Variants in CAMTA1 observed in about 807,000 individuals in gnomAD.
CAMTA1 encodes the protein calmodulin binding transcription activator 1.
CAMTA1 carries 27 observed loss-of-function variants against 170.9 expected under a neutral mutation model. The observed-to-expected ratio is 0.16, with a 90% confidence interval of 0.12 to 0.22. The LOEUF (loss-of-function observed/expected upper bound fraction) is 0.22, where lower values mean the gene tolerates loss of function less well. CAMTA1 is among the 10% of genes least tolerant of loss of function. The pLI is 1.00. For synonymous variants in CAMTA1, 833 were observed against 891.5 expected (o/e 0.93, Z 1.17); for missense variants, 1,619 against 2,217.2 (o/e 0.73, Z 5.42).
At chr1:6,808,822 AAG>A (rs1468645727) in intron 1 of CAMTA1, among the ~76,000 whole-genome samples, 9 of 152,082 alleles carry the variant, frequency 5.9e-5, no homozygotes, top group African/African-American at 2.2e-4. Context: ...GGGGTGAGGA[AAG>A]AGCTCGCATG....
At chr1:7,611,692 C>T (rs1173837638) in intron 6 of CAMTA1, among the ~76,000 whole-genome samples, 1 of 152,250 alleles carries the variant, frequency 6.6e-6, no homozygotes, top group Non-Finnish European at 1.5e-5. Context: ...CCTTACTGTA[C>T]CTCCCAGGCT....
intron 6 of CAMTA1, among the ~76,000 whole-genome samples, chr1:7,519,604 C>T (rs1025767051): frequency 1.3e-5 from 2 of 151,834 alleles, no homozygotes; most frequent in African/African-American, 2.4e-5. Flanking sequence ...TCTCATTGCC[C>T]GGGCCAATGA....
At chr1:7,324,381 A>C (rs747104992) in intron 5 of CAMTA1, among the ~76,000 whole-genome samples, 1 of 152,032 alleles carries the variant, frequency 6.6e-6, no homozygotes, top group Non-Finnish European at 1.5e-5. Context: ...TAAATAGCAT[A>C]TATAAAGATT....
chr1:6,791,307 C>G (rs1227689086), intron 1 of CAMTA1, among the ~76,000 whole-genome samples: 1 of 152,052 alleles, frequency 6.6e-6, no homozygotes, highest in East Asian at 1.9e-4. Flanking sequence ...GCCCACCATC[C>G]CTTTGTCCTG....
intron 11 of CAMTA1, among the ~76,000 whole-genome samples, chr1:7,729,319 C>G (rs2096715258): frequency 6.6e-6 from 1 of 152,056 alleles, no homozygotes; most frequent in Admixed American, 6.6e-5. Flanking sequence ...TGGGTTTCAC[C>G]ATGTTGGCCA....
intron 3 of CAMTA1, among the ~76,000 whole-genome samples, chr1:7,016,957 TC>T (rs1700642396): frequency 6.6e-6 from 1 of 152,324 alleles, no homozygotes; most frequent in South Asian, 2.1e-4. Flanking sequence ...TTCTCCAGAC[TC>T]CCTCCCTGCC....
intron 1 of CAMTA1, among the ~76,000 whole-genome samples, chr1:6,810,544 T>C (rs546924455): frequency 1.7e-4 from 26 of 152,252 alleles, no homozygotes; most frequent in African/African-American, 3.6e-4. Context: ...CGGTGGCTCA[T>C]GCCTGTAATC....
At chr1:6,980,385 CTGCACTGCAT>C (rs1694234690) in intron 3 of CAMTA1, among the ~76,000 whole-genome samples, 1 of 152,160 alleles carries the variant, frequency 6.6e-6, no homozygotes. Context: ...TTTAGGGACT[CTGCACTGCAT>C]TGAAGTAGCA....
intron 6 of CAMTA1, among the ~76,000 whole-genome samples, chr1:7,629,025 G>A (rs28652985): frequency 0.014 from 2,157 of 152,312 alleles, 55 homozygotes; most frequent in African/African-American, 0.05. Flanking sequence ...GGAGTTCCCT[G>A]TGCCCCTGCG....
intron 1 of CAMTA1, among the ~76,000 whole-genome samples, chr1:6,810,647 T>TA (rs1645051676): frequency 6.6e-6 from 1 of 151,892 alleles, no homozygotes; most frequent in South Asian, 2.1e-4. Context: ...CTACTAAAAA[T>TA]ACAAAAATTT....
At chr1:6,869,472 C>T (rs1368509214) in intron 3 of CAMTA1, among the ~76,000 whole-genome samples, 1 of 152,190 alleles carries the variant, frequency 6.6e-6, no homozygotes, top group Non-Finnish European at 1.5e-5. Context: ...AGAATCAGCT[C>T]TTTGTTGTCA....
chr1:7,121,684 G>A lies in CAMTA1; in HGVS notation c.302+30313G>A, dbSNP rs980826818. The stretch of plus-strand genomic sequence containing the variant: ...AGGCAGGGTTCTGCTCTTCCACTGT[G>A]CCTGCTGAGGTAGGGTACACAGCCC... On this transcript the variant is annotated intron_variant, in intron 4 of 22. Coordinates refer to ENST00000303635, the MANE Select transcript of CAMTA1 (RefSeq NM_015215.4). 1.3e-4 allele frequency among the ~76,000 whole-genome samples: 20 copies of A among 152,350 alleles called. 1 individual carries two copies. Among genetic ancestry groups the A allele is most frequent in the African/African-American group, 4.6e-4 (19 of 41,588 alleles).
chr1:7,253,588 A>G (rs1167543028), intron 5 of CAMTA1, among the ~76,000 whole-genome samples: 1 of 152,194 alleles, frequency 6.6e-6, no homozygotes, highest in Non-Finnish European at 1.5e-5. Context: ...CAGGTATATC[A>G]TCTCATTGAA....
chr1:7,281,127 G>A (rs1671446819), intron 5 of CAMTA1, among the ~76,000 whole-genome samples: 1 of 152,080 alleles, frequency 6.6e-6, no homozygotes, highest in Non-Finnish European at 1.5e-5. Context: ...CCTAAACAAA[G>A]GGTACCTCTA....
In CAMTA1 at chr1:7,065,127, C is replaced by T. The variant is rs1708797143; in HGVS notation, c.235-26177C>T. ...CAGCCAAATGGGGAGGCCACATAGG[C>T]TAGCAGATCCTGGGCCAGGAGCTCC... On this transcript the variant is annotated intron_variant, in intron 3 of 22. Coordinates refer to ENST00000303635, the MANE Select transcript of CAMTA1 (RefSeq NM_015215.4). This position sits in a 1 kb window ranked among gnomAD's most constrained non-coding sequence, Gnocchi z 5.2. Among the ~76,000 whole-genome samples, 2 of 152,170 alleles carry T rather than the reference C, an allele frequency of 1.3e-5. No individual in the cohort carries two copies. Among genetic ancestry groups the T allele is most frequent in the Non-Finnish European group, 2.9e-5 (2 of 68,028 alleles).
intron 6 of CAMTA1, among the ~76,000 whole-genome samples, chr1:7,613,518 A>C (rs2095537578): frequency 6.6e-6 from 1 of 152,130 alleles, no homozygotes; most frequent in African/African-American, 2.4e-5. Context: ...AGAGGCAGCA[A>C]CCAGCCCCCT....
At chr1:7,334,059 A>G (rs1397108449) in intron 5 of CAMTA1, among the ~76,000 whole-genome samples, 2 of 152,196 alleles carry the variant, frequency 1.3e-5, no homozygotes, top group African/African-American at 4.8e-5. Flanking sequence ...GCTTTTAAAT[A>G]TACATCCCTG....
At position 7,685,046 on chromosome 1, in the gene CAMTA1, T is replaced by A. The variant is rs2096246709; in HGVS notation, c.2914+7313T>A. ...CGTCCCGCGGTCACAGGTGGCATGT[T>A]TTGAGGAGTTCGCAGGCACCGTCCC... On this transcript the variant is annotated intron_variant, in intron 11 of 22. Transcript: ENST00000303635. The surrounding 1 kb of genome is among the most constrained non-coding windows in gnomAD (Gnocchi z 5.7). Among the ~76,000 whole-genome samples the A allele has an allele frequency of 6.6e-6, 1 of 151,046 alleles. No individual in the cohort carries two copies. Among genetic ancestry groups the A allele is most frequent in the African/African-American group, 2.4e-5 (1 of 41,066 alleles).
chr1:7,194,586 T>C (rs1421262139), intron 4 of CAMTA1, among the ~76,000 whole-genome samples: 1 of 152,218 alleles, frequency 6.6e-6, no homozygotes. Flanking sequence ...TACATACATT[T>C]GTTATTGTGG....
Sources: gnomAD v4.1 joint callset for allele counts (sites outside exome capture counted in the v4.1 genomes callset) on GRCh38, gnomAD v4.1.1 for gene constraint, Gnocchi (gnomAD v3.1) non-coding constraint, MANE v1.5 for transcripts, NCBI Gene and HGNC (gene_info 2026-07-23, HGNC 2026-07-21) for gene names.